The following PLCB1 variants were observed in gnomAD, a reference collection of about 807,000 sequenced individuals.
PLCB1 encodes phospholipase C beta 1.
PLCB1 carries 46 observed loss-of-function variants against 161.8 expected under a neutral mutation model. The ratio of observed to expected loss-of-function variants is 0.28; its 90% CI spans 0.22 to 0.36. The LOEUF (loss-of-function observed/expected upper bound fraction) is 0.36. Ranked by LOEUF, PLCB1 falls within the 10% of genes least tolerant of loss-of-function variation. The probability of loss-of-function intolerance (pLI) is 1.00; values close to 1 mark genes in which losing one functional copy is unlikely to be tolerated. For missense variants in PLCB1, 1,016 were observed against 1,472.5 expected, an observed-to-expected ratio of 0.69 and a Z score of 5.07; for synonymous variants, 517 against 503.7, an observed-to-expected ratio of 1.03 and a Z score of -0.35.
chr20:8,136,085 C>A (rs1167712310), intron 1 of PLCB1, among the ~76,000 whole-genome samples: 1 of 152,194 alleles, frequency 6.6e-6, no homozygotes, highest in African/African-American at 2.4e-5. Flanking sequence ...CACTGTCGCA[C>A]AACCTCTGAG....
chr20:8,214,454 A>G (rs1473719897), intron 2 of PLCB1, among the ~76,000 whole-genome samples: 3 of 152,016 alleles, frequency 2.0e-5, no homozygotes, highest in South Asian at 2.1e-4. Flanking sequence ...GCCTTCTGCC[A>G]TGATTGTAAC....
In PLCB1 at chr20:8,884,049, C is replaced by T. The variant is rs1988090068; in HGVS notation, c.*2200C>T. ...CAGAGATAGAATAAAGTTGAATAAC[C>T]TTGACTTACACAAAACTGTTTTGGT... On this transcript the variant is annotated 3_prime_UTR_variant, in exon 32 of 32. Transcript: ENST00000338037. 6.6e-6 allele frequency: 1 copy of T among 152,142 alleles called. No homozygotes were observed. The highest frequency in any genetic ancestry group is 2.4e-5 in the African/African-American group (1 of 41,420). 9.4% of individuals were successfully genotyped at this position (152,142 alleles called of 1,614,324 possible). A position where few individuals can be genotyped will look rare whatever the true frequency, so the allele number is the denominator to read the frequency against.
At chr20:8,655,876 G>A (rs1280832377) in intron 7 of PLCB1, among the ~76,000 whole-genome samples, 1 of 151,992 alleles carries the variant, frequency 6.6e-6, no homozygotes, top group East Asian at 1.9e-4. Flanking sequence ...CATTTACAGA[G>A]CTCCTGGTGT....
intron 2 of PLCB1, among the ~76,000 whole-genome samples, chr20:8,306,931 C>T (rs1414129195): frequency 3.3e-5 from 5 of 152,154 alleles, no homozygotes; most frequent in African/African-American, 4.8e-5. Context: ...AAGGTGGTTT[C>T]GAGTTTTCAG....
intron 3 of PLCB1, among the ~76,000 whole-genome samples, chr20:8,620,467 C>T (rs6108162): frequency 0.14 from 21,215 of 151,904 alleles, 1,697 homozygotes; most frequent in East Asian, 0.29. Context: ...TGGCTGGGCA[C>T]GGTGGCTCAC....
intron 2 of PLCB1, among the ~76,000 whole-genome samples, chr20:8,322,686 C>A (rs555624177): frequency 6.6e-6 from 1 of 152,188 alleles, no homozygotes; most frequent in South Asian, 2.1e-4. Context: ...AACACTTATC[C>A]AAATCTACAG....
chr20:8,341,668 T>A (rs1427336264), intron 2 of PLCB1, among the ~76,000 whole-genome samples: 1 of 152,216 alleles, frequency 6.6e-6, no homozygotes, highest in Non-Finnish European at 1.5e-5. Flanking sequence ...TTTATATTTT[T>A]AATAGCACTA....
chr20:8,240,884 T>G (rs1980575356), intron 2 of PLCB1, among the ~76,000 whole-genome samples: 1 of 152,012 alleles, frequency 6.6e-6, no homozygotes, highest in Non-Finnish European at 1.5e-5. Context: ...TGCTTCATAC[T>G]TTTCCTATTC....
At chr20:8,642,691 A>T (rs1326258950) in intron 4 of PLCB1, among the ~76,000 whole-genome samples, 1 of 152,248 alleles carries the variant, frequency 6.6e-6, no homozygotes, top group Non-Finnish European at 1.5e-5. Context: ...TTAAATATTA[A>T]TTCAATAGAG....
chr20:8,684,959 G>A lies in PLCB1; in HGVS notation c.890G>A (p.Arg297His), dbSNP rs775904184. The A allele has an allele frequency of 1.5e-5, 24 of 1,613,608 alleles. No homozygotes were observed. The highest frequency in any genetic ancestry group is 9.3e-5 in the African/African-American group (7 of 74,870). ...CAAATATCAGTGGATGGGTTCATGCGCTATCTGAGTGGAGAAGAAAACGGA... is the reference window on the plus strand; with the variant it reads ...CAAATATCAGTGGATGGGTTCATGCACTATCTGAGTGGAGAAGAAAACGGA... Reference protein sequence around the residue: ...KGQISVDGFMRYLSGEENGVV... With the variant: ...KGQISVDGFMHYLSGEENGVV... Residue 297 changes from arginine to histidine, a missense_variant, in exon 10 of 32, where the codon CGC becomes CAC. Coordinates refer to ENST00000338037, the MANE Select transcript of PLCB1 (RefSeq NM_015192.4).
At chr20:8,553,098 T>G (rs1415785503) in intron 3 of PLCB1, among the ~76,000 whole-genome samples, 4 of 152,180 alleles carry the variant, frequency 2.6e-5, no homozygotes, top group Non-Finnish European at 5.9e-5. Context: ...TGAATTTTGT[T>G]GCAAATGCCA....
At chr20:8,337,189 A>C (rs1030695574) in intron 2 of PLCB1, among the ~76,000 whole-genome samples, 1 of 152,224 alleles carries the variant, frequency 6.6e-6, no homozygotes, top group Non-Finnish European at 1.5e-5. Flanking sequence ...TAAATTATTT[A>C]ATCCAAAGTG....
intron 3 of PLCB1, among the ~76,000 whole-genome samples, chr20:8,424,758 C>T (rs1183982330): frequency 6.6e-6 from 1 of 152,080 alleles, no homozygotes; most frequent in Admixed American, 6.6e-5. Context: ...TGCAAGTTGT[C>T]CAGGTTCTTG....
At chr20:8,223,914 A>G (rs1239330973) in intron 2 of PLCB1, among the ~76,000 whole-genome samples, 1 of 152,218 alleles carries the variant, frequency 6.6e-6, no homozygotes, top group Non-Finnish European at 1.5e-5. Flanking sequence ...TAGAAAGCAC[A>G]AAAGGGATAG....
At chr20:8,834,072 A>T (rs1052560948) in intron 31 of PLCB1, among the ~76,000 whole-genome samples, 2 of 152,180 alleles carry the variant, frequency 1.3e-5, no homozygotes, top group African/African-American at 4.8e-5. Context: ...TGTTGAATAA[A>T]TATTCAGCAA....
intron 31 of PLCB1, among the ~76,000 whole-genome samples, chr20:8,801,351 C>G (rs1984270822): frequency 6.6e-6 from 1 of 152,124 alleles, no homozygotes; most frequent in Admixed American, 6.5e-5. Context: ...CCCTGCCATC[C>G]TCTCTCCTGT....
intron 2 of PLCB1, among the ~76,000 whole-genome samples, chr20:8,196,829 C>T (rs192214918): frequency 3.9e-4 from 60 of 152,014 alleles, no homozygotes; most frequent in African/African-American, 1.4e-3. Flanking sequence ...TCCCCCAACC[C>T]CACAACAGGC....
At chr20:8,254,540 C>T (rs58260844) in intron 2 of PLCB1, among the ~76,000 whole-genome samples, 2 of 151,436 alleles carry the variant, frequency 1.3e-5, no homozygotes, top group Admixed American at 6.6e-5. Context: ...AAATCAGGCT[C>T]CTCTTTCCTG....
At chr20:8,243,891 A>G (rs1176923810) in intron 2 of PLCB1, among the ~76,000 whole-genome samples, 1 of 151,970 alleles carries the variant, frequency 6.6e-6, no homozygotes, top group African/African-American at 2.4e-5. Flanking sequence ...GTTTCCTCAT[A>G]ATTTTTATGC....
Sources: gnomAD v4.1 joint callset for allele counts (sites outside exome capture counted in the v4.1 genomes callset) on GRCh38, gnomAD v4.1.1 for gene constraint, MANE v1.5 for transcripts, NCBI Gene and HGNC (gene_info 2026-07-23, HGNC 2026-07-21) for gene names.